PEAK1: variants seen among roughly 807,000 people sequenced by gnomAD.
PEAK1 encodes the protein inactive tyrosine-protein kinase PEAK1.
A neutral mutation model predicts 124.7 loss-of-function variants in PEAK1; 54 were observed. The observed-to-expected ratio is 0.43, with a 90% CI of 0.35 to 0.54. PEAK1 has a LOEUF of 0.54. Among genes scored for constraint, PEAK1 ranks in the 20% least tolerant of loss-of-function variants. PEAK1 has a pLI of 0.01. For synonymous variants in PEAK1, 719 were observed against 760.0 expected (o/e 0.95, Z 0.89); for missense variants, 2,046 against 2,134.5 (o/e 0.96, Z 0.82).
chr15:77,168,237 G>GCGCACACA (rs1555428545), intron 7 of PEAK1, among the ~76,000 whole-genome samples: 92 of 147,282 alleles, frequency 6.2e-4, no homozygotes, highest in Middle Eastern at 3.4e-3. Context: ...ATGTGCGCGC[G>GCGCACACA]CACACACACA....
intron 1 of PEAK1, among the ~76,000 whole-genome samples, chr15:77,395,917 A>G (rs1375906500): frequency 6.6e-6 from 1 of 152,208 alleles, no homozygotes; most frequent in African/African-American, 2.4e-5. Flanking sequence ...AAAAGCACAT[A>G]ATATTACAAC....
chr15:77,313,644 A>ATGTGTGTG (rs1166778709), intron 2 of PEAK1, among the ~76,000 whole-genome samples: 91 of 75,372 alleles, frequency 1.2e-3, no homozygotes, highest in Admixed American at 4.0e-3. Flanking sequence ...GTATGTATGT[A>ATGTGTGTG]TGTATGTATG....
At chr15:77,129,682 G>A (rs1345722824) in intron 9 of PEAK1, among the ~76,000 whole-genome samples, 2 of 151,602 alleles carry the variant, frequency 1.3e-5, no homozygotes, top group African/African-American at 4.9e-5. Flanking sequence ...CTGATCTCAG[G>A]TGATCCATCT....
intron 6 of PEAK1, among the ~76,000 whole-genome samples, chr15:77,200,306 A>G (rs1027069971): frequency 6.6e-6 from 1 of 152,230 alleles, no homozygotes; most frequent in African/African-American, 2.4e-5. Context: ...AGAATACAAA[A>G]TAAGTGTTAA....
In PEAK1 at chr15:77,114,099, G is replaced by A. The variant is rs542717821; in HGVS notation, c.*57C>T. 1.3e-6 allele frequency: 2 copies of A among 1,550,902 alleles called. No individual in the cohort carries two copies. The highest frequency in any genetic ancestry group is 1.7e-5 in the Admixed American group (1 of 58,596). ...TTGGAGTGAGCACTAGGGAGGGGAA[G>A]TGCATGGGTGACATGAAGAAGGTGA... On this transcript the variant is annotated 3_prime_UTR_variant, in exon 10 of 10. Transcript: ENST00000682557.
At chr15:77,246,314 G>T (rs1000693707) in intron 6 of PEAK1, among the ~76,000 whole-genome samples, 1 of 151,848 alleles carries the variant, frequency 6.6e-6, no homozygotes, top group Non-Finnish European at 1.5e-5. Context: ...GCCCCTGCTG[G>T]ACTTTTGATA....
rs778488720 is a variant in PEAK1 at position 77,114,804 on chromosome 15, C to A, written c.4593G>T (p.Gly1531=). Residue 1531 remains glycine, a synonymous_variant, in exon 10 of 10, where the codon GGG becomes GGT. Coordinates refer to ENST00000682557, the MANE Select transcript of PEAK1 (RefSeq NM_001385026.1). ...NLLLVHYQPG[G]TAQGFGPAEP... ...CTGCAGGCCCAAAGCCTTGGGCAGTCCCCCCAGGCTGGTAGTGGACAAGTA... is the reference window on the plus strand; with the variant it reads ...CTGCAGGCCCAAAGCCTTGGGCAGTACCCCCAGGCTGGTAGTGGACAAGTA... 4 of 1,612,308 alleles carry A rather than the reference C, an allele frequency of 2.5e-6. No individual in the cohort carries two copies. The highest frequency in any genetic ancestry group is 3.4e-6 in the Non-Finnish European group (4 of 1,179,586).
chr15:77,184,166 T>C (rs1305464824), intron 6 of PEAK1, among the ~76,000 whole-genome samples: 1 of 151,766 alleles, frequency 6.6e-6, no homozygotes, highest in Non-Finnish European at 1.5e-5. Context: ...AATATAAAAA[T>C]TGTAAATATA....
intron 6 of PEAK1, among the ~76,000 whole-genome samples, chr15:77,228,651 T>C (rs2059780283): frequency 6.6e-6 from 1 of 152,104 alleles, no homozygotes; most frequent in African/African-American, 2.4e-5. Flanking sequence ...CAATTATGAC[T>C]TTTATGGGCT....
intron 2 of PEAK1, chr15:77,332,354 C>A (rs907520109): frequency 1.3e-6 from 1 of 781,512 alleles, no homozygotes; most frequent in Admixed American, 6.3e-5. Context: ...AATCCTAGCA[C>A]TTTGGGAGGC....
chr15:77,173,391 T>C (rs2056642600), intron 7 of PEAK1, among the ~76,000 whole-genome samples: 1 of 152,186 alleles, frequency 6.6e-6, no homozygotes, highest in Non-Finnish European at 1.5e-5. Flanking sequence ...GATATATGTA[T>C]ATGCTGTAGA....
At chr15:77,351,975 A>G in intron 2 of PEAK1, 1 of 982,540 alleles carries the variant, frequency 1.0e-6, no homozygotes, top group Non-Finnish European at 1.2e-6. Flanking sequence ...AATACCAGCA[A>G]TTTGGGAGGC....
At chr15:77,199,287 T>TTTTACAAGATGAAG (rs1467542841) in intron 6 of PEAK1, among the ~76,000 whole-genome samples, 3 of 152,232 alleles carry the variant, frequency 2.0e-5, no homozygotes, top group African/African-American at 7.2e-5. Flanking sequence ...TATTAGGCAA[T>TTTTACAAGATGAAG]GTCCCTGGCC....
At chr15:77,146,208 CCAGCAGGCAT>C (rs1291945740) in intron 8 of PEAK1, among the ~76,000 whole-genome samples, 1 of 152,164 alleles carries the variant, frequency 6.6e-6, no homozygotes, top group Non-Finnish European at 1.5e-5. Context: ...TCATCCCCCT[CCAGCAGGCAT>C]CAGCAGCTTA....
chr15:77,411,412 T>C (rs2072401322), intron 1 of PEAK1, among the ~76,000 whole-genome samples: 1 of 152,154 alleles, frequency 6.6e-6, no homozygotes, highest in African/African-American at 2.4e-5. Context: ...GGAAAGGAAG[T>C]AAGAACAGAA....
At chr15:77,358,129 C>G (rs2067641204) in intron 2 of PEAK1, among the ~76,000 whole-genome samples, 1 of 152,228 alleles carries the variant, frequency 6.6e-6, no homozygotes, top group Non-Finnish European at 1.5e-5. Flanking sequence ...TACATGCAAT[C>G]TGCCATTTCT....
At chr15:77,400,656 A>G (rs1443440157) in intron 1 of PEAK1, among the ~76,000 whole-genome samples, 10 of 152,140 alleles carry the variant, frequency 6.6e-5, no homozygotes, top group Admixed American at 5.9e-4. Context: ...TAATCCCATT[A>G]TAAGTTGAGG....
chr15:77,147,288 G>A (rs1026389512), intron 8 of PEAK1, among the ~76,000 whole-genome samples: 14 of 152,108 alleles, frequency 9.2e-5, no homozygotes, highest in African/African-American at 3.4e-4. Context: ...TTTTTAGCTC[G>A]TTCACTCAAA....
At chr15:77,329,965 C>A (rs79992131) in intron 2 of PEAK1, among the ~76,000 whole-genome samples, 5 of 151,974 alleles carry the variant, frequency 3.3e-5, no homozygotes, top group Admixed American at 6.6e-5. Context: ...AGAGCTGGAC[C>A]TATTCACCCT....
Sources: allele counts gnomAD v4.1 joint callset (sites outside exome capture counted in the v4.1 genomes callset), GRCh38; gene constraint gnomAD v4.1.1; transcripts MANE v1.5; gene names NCBI Gene and HGNC (gene_info 2026-07-23, HGNC 2026-07-21).